Variants in CDH6 observed in about 807,000 individuals in gnomAD.
The protein encoded by CDH6 is cadherin 6.
CDH6 carries 31 observed loss-of-function variants against 78.0 expected under a neutral mutation model. The ratio of observed to expected loss-of-function variants is 0.40; its 90% CI spans 0.30 to 0.54. The LOEUF (loss-of-function observed/expected upper bound fraction) is 0.54, where lower values mean the gene tolerates loss of function less well. CDH6 is among the 20% of genes least tolerant of loss of function. The pLI is 0.56. For synonymous variants in CDH6, 376 were observed against 368.8 expected, an observed-to-expected ratio of 1.02 and a Z score of -0.23; for missense variants, 724 against 975.9, an observed-to-expected ratio of 0.74 and a Z score of 3.44.
chr5:31,269,802 A>T (rs1742470698), intron 2 of CDH6, among the ~76,000 whole-genome samples: 1 of 152,082 alleles, frequency 6.6e-6, no homozygotes, highest in Non-Finnish European at 1.5e-5. Flanking sequence ...AGCTAGATAA[A>T]TTTCCCTCCC....
intron 7 of CDH6, among the ~76,000 whole-genome samples, chr5:31,312,100 G>T (rs1272724431): frequency 6.6e-6 from 1 of 152,156 alleles, no homozygotes; most frequent in African/African-American, 2.4e-5. Context: ...ACTGATTTAA[G>T]TGATGTAAGT....
At chr5:31,288,331 T>C (rs1304960958) in intron 2 of CDH6, among the ~76,000 whole-genome samples, 2 of 152,198 alleles carry the variant, frequency 1.3e-5, no homozygotes, top group African/African-American at 4.8e-5. Flanking sequence ...AACATTCAAA[T>C]ACAGCAGAAT....
At position 31,294,376 on chromosome 5, in the gene CDH6, A is replaced by G; in HGVS notation, c.523+120A>G. 1.3e-6 allele frequency: 1 copy of G among 756,974 alleles called. No individual in the cohort carries two copies. The highest frequency in any genetic ancestry group is 2.2e-6 in the Non-Finnish European group (1 of 446,154). 46.9% of individuals were successfully genotyped at this position (756,974 alleles called of 1,614,324 possible). On this transcript the variant is annotated intron_variant, in intron 3 of 11. Transcript: ENST00000265071. This position sits in a 1 kb window ranked among gnomAD's most constrained non-coding sequence, Gnocchi z 4.1. ...ATTTAGATGCTAACTTCTTCAATCCATGTATGTCCTTTCTGTAAGTGCATA... is the reference window on the plus strand; with the variant it reads ...ATTTAGATGCTAACTTCTTCAATCCGTGTATGTCCTTTCTGTAAGTGCATA...
chr5:31,256,554 A>G (rs1197398338), intron 1 of CDH6, among the ~76,000 whole-genome samples: 1 of 152,206 alleles, frequency 6.6e-6, no homozygotes, highest in Non-Finnish European at 1.5e-5. Context: ...ACACTAAGCC[A>G]TCTTTCCAAC....
intron 1 of CDH6, among the ~76,000 whole-genome samples, chr5:31,206,089 CT>C (rs1338240966): frequency 1.3e-5 from 2 of 152,032 alleles, no homozygotes; most frequent in Non-Finnish European, 1.5e-5. Context: ...ATTCTTGTGC[CT>C]TTTGTGCTCT....
At chr5:31,304,101 T>A (rs1264052647) in intron 6 of CDH6, among the ~76,000 whole-genome samples, 1 of 152,160 alleles carries the variant, frequency 6.6e-6, no homozygotes, top group Non-Finnish European at 1.5e-5. Flanking sequence ...ATCACTACTT[T>A]CTTTGACAAA....
Position 31,313,320 on chromosome 5 carries a change from A to T in CDH6, c.1256A>T (p.Tyr419Phe), listed in dbSNP as rs1405495920. The T allele has an allele frequency of 6.2e-7, 1 of 1,611,344 alleles. No homozygotes were observed. The highest frequency in any genetic ancestry group is 1.7e-5 in the Admixed American group (1 of 59,942). The change falls in exon 8 of 12, where the codon TAC becomes TTC. Residue 419 changes from tyrosine to phenylalanine, a missense_variant and splice_region_variant. Physicochemically the swap from Tyr to Phe is conservative, Grantham distance 22. This residue lies in a region of CDH6 where 446 missense variants were observed against 684.5 expected (regional missense o/e 0.65). Coordinates refer to ENST00000265071, the MANE Select transcript of CDH6 (RefSeq NM_004932.4). ...TTAATTCCACTCTGCATTTTCAGGT[A>T]CTCTGTAGATCGACACACAGATATG... ...DPDAARNPVK[Y>F]SVDRHTDMDR... is the part of the protein sequence containing the mutation.
intron 1 of CDH6, among the ~76,000 whole-genome samples, chr5:31,202,762 C>G (rs990665163): frequency 6.7e-6 from 1 of 149,820 alleles, no homozygotes; most frequent in East Asian, 2.0e-4. Flanking sequence ...GTAACATATA[C>G]ACGCATATAT....
intron 2 of CDH6, among the ~76,000 whole-genome samples, chr5:31,288,651 C>T (rs1743073329): frequency 6.6e-6 from 1 of 152,322 alleles, no homozygotes; most frequent in South Asian, 2.1e-4. Context: ...AAGTAACATT[C>T]CACCTATTTA....
At chr5:31,216,267 G>T (rs1467542630) in intron 1 of CDH6, among the ~76,000 whole-genome samples, 1 of 151,910 alleles carries the variant, frequency 6.6e-6, no homozygotes, top group Non-Finnish European at 1.5e-5. Context: ...CATGCCTTGA[G>T]GGAAAAAATG....
rs981336046 is a variant in CDH6 at position 31,325,101 on chromosome 5, T to G, written c.*1793T>G. On this transcript the variant is annotated 3_prime_UTR_variant, in exon 12 of 12. Coordinates refer to ENST00000265071, the MANE Select transcript of CDH6 (RefSeq NM_004932.4). ...TGTTTAGTTAAGTTTTAAATAGGTG[T>G]ATTACCCAAGAAGTAAAGATGGAAA... 1 of 223,704 alleles carries G rather than the reference T, an allele frequency of 4.5e-6. No individual in the cohort carries two copies. The highest frequency in any genetic ancestry group is 8.9e-6 in the Non-Finnish European group (1 of 112,164). 13.9% of individuals were successfully genotyped at this position (223,704 alleles called of 1,614,324 possible).
chr5:31,301,841 T>C (rs1251439553), intron 5 of CDH6, among the ~76,000 whole-genome samples: 1 of 152,236 alleles, frequency 6.6e-6, no homozygotes. Flanking sequence ...TCAGTTGTTC[T>C]CACAATCACA....
intron 2 of CDH6, among the ~76,000 whole-genome samples, chr5:31,277,094 T>G (rs2149938369): frequency 6.6e-6 from 1 of 152,374 alleles, no homozygotes; most frequent in African/African-American, 2.4e-5. Context: ...CTGAGTCTGA[T>G]GCATTAACAG....
At chr5:31,219,460 C>A (rs1740951846) in intron 1 of CDH6, among the ~76,000 whole-genome samples, 1 of 152,074 alleles carries the variant, frequency 6.6e-6, no homozygotes, top group South Asian at 2.1e-4. Flanking sequence ...CTTGCCATTC[C>A]TACTCTCTGA....
At chr5:31,246,594 G>A (rs1041295925) in intron 1 of CDH6, among the ~76,000 whole-genome samples, 1 of 152,202 alleles carries the variant, frequency 6.6e-6, no homozygotes, top group African/African-American at 2.4e-5. Flanking sequence ...AAGCCACAGT[G>A]TGAAGGTGAC....
At chr5:31,311,416 G>A (rs527694796) in intron 7 of CDH6, among the ~76,000 whole-genome samples, 1 of 152,244 alleles carries the variant, frequency 6.6e-6, no homozygotes, top group East Asian at 1.9e-4. Flanking sequence ...AAGTCTCTAG[G>A]AAGTTCCAGA....
chr5:31,269,975 A>G (rs888271406), intron 2 of CDH6, among the ~76,000 whole-genome samples: 1 of 152,244 alleles, frequency 6.6e-6, no homozygotes, highest in African/African-American at 2.4e-5. Flanking sequence ...AGCTGTTGAT[A>G]TGGCATTTCC....
At chr5:31,232,784 T>C (rs1350425281) in intron 1 of CDH6, among the ~76,000 whole-genome samples, 2 of 152,208 alleles carry the variant, frequency 1.3e-5, no homozygotes, top group Non-Finnish European at 2.9e-5. Context: ...TTGAGGAAAT[T>C]ATAAATGCAA....
chr5:31,272,772 G>A (rs1358006393), intron 2 of CDH6, among the ~76,000 whole-genome samples: 1 of 152,124 alleles, frequency 6.6e-6, no homozygotes, highest in Non-Finnish European at 1.5e-5. Flanking sequence ...CGCATTCGAG[G>A]TGCTTCTATT....
Sources: gnomAD v4.1 joint callset for allele counts (sites outside exome capture counted in the v4.1 genomes callset) on GRCh38, gnomAD v4.1.1 for gene constraint, gnomAD v4.1.1 regional missense constraint, Gnocchi (gnomAD v3.1) non-coding constraint, MANE v1.5 for transcripts, NCBI Gene and HGNC (gene_info 2026-07-23, HGNC 2026-07-21) for gene names.